Variants in UTS2B observed in about 807,000 individuals in gnomAD.
UTS2B encodes urotensin 2B.
In UTS2B, 21 loss-of-function variants were observed where a neutral mutation model predicts 19.2. The observed-to-expected ratio is 1.09, with a 90% confidence interval of 0.78 to 1.58. The LOEUF (loss-of-function observed/expected upper bound fraction) is 1.58. Ranked by LOEUF, UTS2B falls within the 40% of genes most tolerant of loss-of-function variation. The pLI, the probability that UTS2B is intolerant of heterozygous loss-of-function variation, is 0.00. For missense variants in UTS2B, 138 were observed against 130.3 expected, an observed-to-expected ratio of 1.06 and a Z score of -0.29; for synonymous variants, 57 against 50.2, an observed-to-expected ratio of 1.14 and a Z score of -0.58.
At position 191,275,407 on chromosome 3, in the gene UTS2B, G is replaced by A. The variant is rs969169626; in HGVS notation, c.241-62C>T. On this transcript the variant is annotated intron_variant, in intron 7 of 8. Coordinates refer to ENST00000340524, the MANE Select transcript of UTS2B (RefSeq NM_198152.5). Reference sequence around the variant, plus strand: ...TATAAAACCATGCTGTTGACCGGGCGCGGTGGCTTATGCCTGTAATCCCAG... The same window carrying A: ...TATAAAACCATGCTGTTGACCGGGCACGGTGGCTTATGCCTGTAATCCCAG... 229 of 1,402,704 alleles carry A rather than the reference G, an allele frequency of 1.6e-4. 1 individual carries two copies. Among genetic ancestry groups the A allele is most frequent in the Admixed American group, 2.4e-4 (14 of 59,220 alleles). The allele number at this position is 1,402,704 out of a possible 1,614,324, so 86.9% of individuals were successfully genotyped here.
upstream of UTS2B, among the ~76,000 whole-genome samples, chr3:191,333,663 T>A (rs1193332223): frequency 6.6e-6 from 1 of 152,186 alleles, no homozygotes; most frequent in Non-Finnish European, 1.5e-5. Flanking sequence ...CAGCAACTAT[T>A]CAGTAAATAT....
intron 2 of UTS2B, among the ~76,000 whole-genome samples, chr3:191,317,527 GACGGCTGCTAGC>G: frequency 6.6e-6 from 1 of 152,316 alleles, no homozygotes; most frequent in African/African-American, 2.4e-5. Context: ...GAGAGCGAGC[GACGGCTGCTAGC>G]ACGTTGTCAC....
chr3:191,302,157 C>T (rs955459201), intron 4 of UTS2B, among the ~76,000 whole-genome samples: 1 of 152,182 alleles, frequency 6.6e-6, no homozygotes, highest in Non-Finnish European at 1.5e-5. Flanking sequence ...CTGAAAGTCA[C>T]CTCCGGCCAT....
At chr3:191,320,108 A>G (rs1717575397) in intron 2 of UTS2B, among the ~76,000 whole-genome samples, 1 of 152,054 alleles carries the variant, frequency 6.6e-6, no homozygotes. Flanking sequence ...GGACAGACAT[A>G]TAATATTGGC....
Position 191,278,175 on chromosome 3 carries a change from A to T in UTS2B, c.104-5T>A, listed in dbSNP as rs1716290246. 4 of 1,454,576 alleles carry T rather than the reference A, an allele frequency of 2.7e-6. No individual in the cohort carries two copies. Among genetic ancestry groups the T allele is most frequent in the Non-Finnish European group, 3.7e-6 (4 of 1,076,590 alleles). The allele number at this position is 1,454,576 out of a possible 1,614,324, so 90.1% of individuals were successfully genotyped here. ...TATCTGGAAATATTTCATTTCCTATAATGATCAAAAACCACCATTTTCAAT... is the reference window on the plus strand; with the variant it reads ...TATCTGGAAATATTTCATTTCCTATTATGATCAAAAACCACCATTTTCAAT... On this transcript the variant is annotated splice_polypyrimidine_tract_variant and splice_region_variant and intron_variant, in intron 5 of 8. Coordinates refer to ENST00000340524, the MANE Select transcript of UTS2B (RefSeq NM_198152.5).
chr3:191,282,248 T>C lies in UTS2B; in HGVS notation c.-59A>G. On this transcript the variant is annotated 5_prime_UTR_variant, in exon 5 of 9. Coordinates refer to ENST00000340524, the MANE Select transcript of UTS2B (RefSeq NM_198152.5). ...AGACTTTCCAGGTCAAGATGGATAT[T>C]TCTATAGCTTTGGAATTCAGTAGAG... 3.0e-6 allele frequency: 4 copies of C among 1,312,714 alleles called. No homozygotes were observed. The highest frequency in any genetic ancestry group is 4.3e-6 in the Non-Finnish European group (4 of 937,902). The allele number at this position is 1,312,714 out of a possible 1,614,324, so 81.3% of individuals were successfully genotyped here.
chr3:191,282,431 A>G (rs1716417633), intron 4 of UTS2B, 118 bp from the exon 5 acceptor site: 1 of 409,758 alleles, frequency 2.4e-6, no homozygotes, highest in Non-Finnish European at 4.4e-6. Context: ...AATGGCAGGA[A>G]GAACCCAATC....
intron 4 of UTS2B, among the ~76,000 whole-genome samples, chr3:191,302,381 A>T (rs981983200): frequency 6.6e-6 from 1 of 152,206 alleles, no homozygotes; most frequent in African/African-American, 2.4e-5. Flanking sequence ...ATTAAGAAAT[A>T]ACCATAAACA....
chr3:191,319,814 G>A (rs1200572489), intron 2 of UTS2B, among the ~76,000 whole-genome samples: 6 of 149,140 alleles, frequency 4.0e-5, no homozygotes, highest in African/African-American at 1.2e-4. Context: ...GTTGCAGTGA[G>A]CCAAGATCGC....
chr3:191,303,135 G>A (rs1180714972), intron 4 of UTS2B, among the ~76,000 whole-genome samples: 2 of 152,106 alleles, frequency 1.3e-5, no homozygotes, highest in Admixed American at 6.5e-5. Flanking sequence ...ACCTGTGGCC[G>A]CCTGACTCTA....
chr3:191,268,493 T>C (rs1276573973), intron 8 of UTS2B, 52 bp from the exon 9 acceptor site: 7 of 1,376,802 alleles, frequency 5.1e-6, no homozygotes, highest in Non-Finnish European at 7.0e-6. Flanking sequence ...TTGATAAAAC[T>C]TGCTCTTGAA....
chr3:191,287,798 A>G (rs867729533), intron 4 of UTS2B, among the ~76,000 whole-genome samples: 1 of 152,096 alleles, frequency 6.6e-6, no homozygotes, highest in South Asian at 2.1e-4. Flanking sequence ...ATCCAGAACA[A>G]TTAGAAAAAA....
At chr3:191,341,044 T>G in the UTS2B span, among the ~76,000 whole-genome samples, 9 of 151,908 alleles carry the variant, frequency 5.9e-5, no homozygotes, top group African/African-American at 2.2e-4. Flanking sequence ...CAGGCTGATC[T>G]TGAACTCCTG....
In UTS2B at chr3:191,287,621, C is replaced by T. The variant is rs551077442; in HGVS notation, c.-124-5308G>A. Among the ~76,000 whole-genome samples, 17 of 151,974 alleles carry T rather than the reference C, an allele frequency of 1.1e-4. No homozygotes were observed. The South Asian group carries it at 3.5e-3, about 32-fold the overall frequency. On this transcript the variant is annotated intron_variant, in intron 4 of 8. Transcript: ENST00000340524. ...GAATGTACCTCGGCACAATAAAGCCCCTATATGAAAAACCCATAGCTAACA... is the reference window on the plus strand; with the variant it reads ...GAATGTACCTCGGCACAATAAAGCCTCTATATGAAAAACCCATAGCTAACA...
chr3:191,272,928 C>T (rs1716129670), intron 8 of UTS2B, among the ~76,000 whole-genome samples: 1 of 149,158 alleles, frequency 6.7e-6, no homozygotes, highest in Admixed American at 6.7e-5. Context: ...ACTTTGAGAG[C>T]TCAAGGCAGG....
chr3:191,304,335 G>T (rs73888536), intron 4 of UTS2B, among the ~76,000 whole-genome samples, 157 bp downstream of exon 4: 7,444 of 152,208 alleles, frequency 0.049, 591 homozygotes, highest in African/African-American at 0.17. Context: ...AAATATGCTG[G>T]TTTCCTTGAT....
chr3:191,317,799 C>T (rs1717506500), intron 2 of UTS2B, among the ~76,000 whole-genome samples: 1 of 152,124 alleles, frequency 6.6e-6, no homozygotes, highest in Admixed American at 6.5e-5. Flanking sequence ...AGACTGGTCT[C>T]GAACTCCTGA....
the UTS2B span, among the ~76,000 whole-genome samples, chr3:191,336,649 T>G: frequency 6.6e-6 from 1 of 152,320 alleles, no homozygotes; most frequent in Non-Finnish European, 1.5e-5. Flanking sequence ...CCAAACACCT[T>G]CCTAGCCCTA....
intron 3 of UTS2B, among the ~76,000 whole-genome samples, chr3:191,308,651 G>C (rs1717209127): frequency 6.6e-6 from 1 of 152,126 alleles, no homozygotes; most frequent in Admixed American, 6.6e-5. Flanking sequence ...TGTGATTTCT[G>C]ACAGCCAAAA....
Sources: gnomAD v4.1 joint callset for allele counts (sites outside exome capture counted in the v4.1 genomes callset) on GRCh38, gnomAD v4.1.1 for gene constraint, MANE v1.5 for transcripts, NCBI Gene and HGNC (gene_info 2026-07-23, HGNC 2026-07-21) for gene names.